CGNL1: variants seen among roughly 807,000 people sequenced by gnomAD.
The protein encoded by CGNL1 is cingulin-like protein 1.
In CGNL1, 132 loss-of-function variants were observed where a neutral mutation model predicts 141.2. The ratio of observed to expected loss-of-function variants is 0.93; its 90% CI spans 0.81 to 1.08. The LOEUF (loss-of-function observed/expected upper bound fraction) is 1.08. CGNL1 is among the 50% of genes least tolerant of loss of function. The pLI, the probability that CGNL1 is intolerant of heterozygous loss-of-function variation, is 0.00. For missense variants in CGNL1, 1,870 were observed against 1,588.6 expected (o/e 1.18, Z -3.01); for synonymous variants, 690 against 622.1 (o/e 1.11, Z -1.63).
At chr15:57,489,131 A>G (rs1262689869) in intron 8 of CGNL1, among the ~76,000 whole-genome samples, 1 of 152,252 alleles carries the variant, frequency 6.6e-6, no homozygotes, top group Non-Finnish European at 1.5e-5. Flanking sequence ...ATACTATATA[A>G]TAGAATTAAA....
intron 8 of CGNL1, among the ~76,000 whole-genome samples, chr15:57,484,754 C>T (rs1164999468): frequency 6.6e-6 from 1 of 151,940 alleles, no homozygotes; most frequent in African/African-American, 2.4e-5. Flanking sequence ...GTGTGATGTT[C>T]CCCTCCCTGT....
intron 8 of CGNL1, among the ~76,000 whole-genome samples, chr15:57,470,164 C>A (rs58114100): frequency 6.6e-6 from 1 of 151,348 alleles, no homozygotes; most frequent in Non-Finnish European, 1.5e-5. Flanking sequence ...TCCACAGACT[C>A]AAGCCTGCCT....
chr15:57,436,189 C>A (rs967726808), intron 1 of CGNL1, among the ~76,000 whole-genome samples: 4 of 152,158 alleles, frequency 2.6e-5, no homozygotes, highest in African/African-American at 4.8e-5. Context: ...TTTTTACTAA[C>A]AGAACATTGA....
chr15:57,402,899 C>T (rs1383752591), intron 1 of CGNL1, among the ~76,000 whole-genome samples: 2 of 152,120 alleles, frequency 1.3e-5, no homozygotes, highest in African/African-American at 2.4e-5. Context: ...GGGCTACAGG[C>T]TTGAATCATT....
intron 14 of CGNL1, among the ~76,000 whole-genome samples, chr15:57,539,388 G>A (rs1423549392): frequency 6.6e-6 from 1 of 152,018 alleles, no homozygotes; most frequent in Admixed American, 6.5e-5. Context: ...TCCACTTGCT[G>A]GGTGGCTGCT....
In CGNL1 at chr15:57,513,268, GTGTGTGTGTGTGTGTGTGTGTGTGTGTT is replaced by G. The variant is rs1416797560; in HGVS notation, c.2404-3505_2404-3478del. ...TGTCAATATGGGTGTGTGTGTGTGT[GTGTGTGTGTGTGTGTGTGTGTGTGTGTT>G]TGTGTGATTGGCTTCTTTAGGATAA... On this transcript the variant is annotated intron_variant, in intron 8 of 18. Coordinates refer to ENST00000281282, the MANE Select transcript of CGNL1 (RefSeq NM_032866.5). 2.2e-5 allele frequency among the ~76,000 whole-genome samples: 3 copies of G among 135,552 alleles called. No homozygotes were observed. The East Asian group carries it at 9.1e-4, about 41-fold the overall frequency. The allele number at this position is 135,552 out of a possible 152,430, so 88.9% of individuals were successfully genotyped here.
intron 1 of CGNL1, among the ~76,000 whole-genome samples, chr15:57,425,622 T>C (rs1330010919): frequency 6.6e-6 from 1 of 151,782 alleles, no homozygotes. Context: ...GTGCCTGTAG[T>C]CCCAGCTACT....
chr15:57,474,700 A>G (rs2063629083), intron 8 of CGNL1, among the ~76,000 whole-genome samples: 1 of 152,224 alleles, frequency 6.6e-6, no homozygotes, highest in Non-Finnish European at 1.5e-5. Flanking sequence ...AAAAACATAC[A>G]TAATATATTG....
intron 13 of CGNL1, 80 bp downstream of exon 13, chr15:57,528,895 C>T: frequency 1.4e-6 from 2 of 1,461,608 alleles, no homozygotes; most frequent in Admixed American, 2.2e-5. Flanking sequence ...TCTTTGCTCT[C>T]AGCTCAGCCT....
intron 14 of CGNL1, among the ~76,000 whole-genome samples, chr15:57,542,047 C>T (rs1043512751): frequency 5.3e-5 from 8 of 152,160 alleles, no homozygotes; most frequent in African/African-American, 9.7e-5. Context: ...TGACACACCT[C>T]GGTCAGGACA....
At chr15:57,525,795 G>A (rs2031573776) in intron 12 of CGNL1, among the ~76,000 whole-genome samples, 1 of 151,950 alleles carries the variant, frequency 6.6e-6, no homozygotes, top group Non-Finnish European at 1.5e-5. Context: ...AAAGGCCCCT[G>A]ATAATGGATC....
chr15:57,467,155 A>G (rs2063520167), intron 8 of CGNL1, among the ~76,000 whole-genome samples: 1 of 152,198 alleles, frequency 6.6e-6, no homozygotes, highest in South Asian at 2.1e-4. Context: ...ATACATATAA[A>G]TCAGGTGGAA....
At chr15:57,525,359 TTG>T (rs1468516305) in intron 12 of CGNL1, among the ~76,000 whole-genome samples, 4 of 152,250 alleles carry the variant, frequency 2.6e-5, no homozygotes, top group Non-Finnish European at 4.4e-5. Context: ...ATGTTTTTGA[TTG>T]TTTTAATGGA....
chr15:57,547,673 C>G lies in CGNL1; in HGVS notation c.*183C>G. The G allele has an allele frequency of 1.6e-6, 1 of 615,688 alleles. No homozygotes were observed. Among genetic ancestry groups the G allele is most frequent in the East Asian group, 3.1e-5 (1 of 31,970 alleles). 38.1% of individuals were successfully genotyped at this position (615,688 alleles called of 1,614,324 possible). ...CTCTCAGTGGGTCTTCGACAGAGAGCTTTTGCAGTTTAAAATGTTGGGATG... is the reference window on the plus strand; with the variant it reads ...CTCTCAGTGGGTCTTCGACAGAGAGGTTTTGCAGTTTAAAATGTTGGGATG... On this transcript the variant is annotated 3_prime_UTR_variant, in exon 19 of 19. Transcript: ENST00000281282.
At chr15:57,477,805 C>A (rs1251608095) in intron 8 of CGNL1, among the ~76,000 whole-genome samples, 3 of 152,270 alleles carry the variant, frequency 2.0e-5, no homozygotes, top group Admixed American at 2.0e-4. Flanking sequence ...TTGCCACTTC[C>A]TGTAGCTGTC....
chr15:57,459,843 C>A (rs2063424057), intron 7 of CGNL1, among the ~76,000 whole-genome samples: 1 of 152,108 alleles, frequency 6.6e-6, no homozygotes, highest in African/African-American at 2.4e-5. Context: ...AAGGAAGGAG[C>A]ATGATGAATT....
chr15:57,506,716 G>C (rs1313304741), intron 8 of CGNL1, among the ~76,000 whole-genome samples: 1 of 152,220 alleles, frequency 6.6e-6, no homozygotes, highest in African/African-American at 2.4e-5. Context: ...CAAGTCCTGG[G>C]TGTGTGACTG....
At chr15:57,473,601 C>A (rs1263523249) in intron 8 of CGNL1, among the ~76,000 whole-genome samples, 1 of 152,118 alleles carries the variant, frequency 6.6e-6, no homozygotes, top group African/African-American at 2.4e-5. Flanking sequence ...ACTTCCGTTG[C>A]TTGATCATAA....
At chr15:57,457,246 G>T (rs1440201508) in intron 7 of CGNL1, among the ~76,000 whole-genome samples, 4 of 152,184 alleles carry the variant, frequency 2.6e-5, no homozygotes, top group Non-Finnish European at 2.9e-5. Flanking sequence ...TGCACAGGTG[G>T]TGTGTGAAGT....
Sources: gnomAD v4.1 joint callset for allele counts (sites outside exome capture counted in the v4.1 genomes callset) on GRCh38, gnomAD v4.1.1 for gene constraint, MANE v1.5 for transcripts, NCBI Gene and HGNC (gene_info 2026-07-23, HGNC 2026-07-21) for gene names.